The following EBF4 variants were observed in gnomAD, a reference collection of about 807,000 sequenced individuals.
The protein encoded by EBF4 is transcription factor COE4.
EBF4 carries 34 observed loss-of-function variants against 67.1 expected under a neutral mutation model. That is an observed-to-expected ratio of 0.51 (90% CI 0.39 to 0.67). The LOEUF is 0.67. Ranked by LOEUF, EBF4 falls within the 30% of genes least tolerant of loss-of-function variation. The pLI is 0.00. For missense variants in EBF4, 837 were observed against 873.3 expected, an observed-to-expected ratio of 0.96 and a Z score of 0.52; for synonymous variants, 387 against 377.7, an observed-to-expected ratio of 1.02 and a Z score of -0.29.
intron 1 of EBF4, among the ~76,000 whole-genome samples, chr20:2,700,484 G>C (rs536835329): frequency 6.6e-6 from 1 of 151,986 alleles, no homozygotes; most frequent in Non-Finnish European, 1.5e-5. Flanking sequence ...ACTTTGGAGC[G>C]GCACCATGAG....
chr20:2,759,114 A>G, intron 16 of EBF4, 130 bp downstream of exon 16: 1 of 904,176 alleles, frequency 1.1e-6, no homozygotes, highest in African/African-American at 1.7e-5. Flanking sequence ...GCTGGGGTCC[A>G]AGTCTTCCTC....
At chr20:2,752,023 CG>C in intron 12 of EBF4, 36 bp downstream of exon 12, 4 of 1,526,202 alleles carry the variant, frequency 2.6e-6, no homozygotes, top group African/African-American at 1.4e-5. Flanking sequence ...CCGCCGGGAC[CG>C]GGGCCCCCCA....
chr20:2,715,262 A>T lies in EBF4; in HGVS notation c.557+5620A>T, dbSNP rs368715635. On this transcript the variant is annotated intron_variant, in intron 6 of 16. Transcript: ENST00000609451. ...TAGTTGTGCTTGTGTTTAACTTTAT[A>T]AAAAAAAATGATACCATGTTGCAGC... 1.1e-4 allele frequency among the ~76,000 whole-genome samples: 17 copies of T among 151,640 alleles called. No homozygotes were observed. In the East Asian group the frequency reaches 1.9e-3, roughly 17 times the overall value.
At chr20:2,729,258 C>T (rs1400307612) in intron 6 of EBF4, among the ~76,000 whole-genome samples, 1 of 152,034 alleles carries the variant, frequency 6.6e-6, no homozygotes, top group Admixed American at 6.5e-5. Context: ...CAACAGTTCA[C>T]AGCCAGCCAC....
downstream of EBF4, chr20:2,759,698 T>A (rs910232565): frequency 5.3e-5 from 8 of 152,318 alleles, no homozygotes; most frequent in Non-Finnish European, 8.8e-5. Context: ...CCATCTCAAC[T>A]GGCCCAGCAT....
intron 1 of EBF4, among the ~76,000 whole-genome samples, chr20:2,694,386 T>A (rs2087258541): frequency 6.6e-6 from 1 of 152,074 alleles, no homozygotes; most frequent in Non-Finnish European, 1.5e-5. Context: ...TTCTGGTAGG[T>A]CCTTTGGAAG....
At chr20:2,713,498 T>C (rs6076425) in intron 6 of EBF4, among the ~76,000 whole-genome samples, 15,687 of 152,136 alleles carry the variant, frequency 0.1, 888 homozygotes, top group Admixed American at 0.14. Context: ...GAATGTCATG[T>C]GATTGACAAG....
chr20:2,727,831 G>A (rs1222485910), intron 6 of EBF4, among the ~76,000 whole-genome samples: 2 of 152,060 alleles, frequency 1.3e-5, no homozygotes, highest in African/African-American at 4.8e-5. Context: ...CTTTTCATAT[G>A]CTTCTTGACC....
intron 4 of EBF4, among the ~76,000 whole-genome samples, chr20:2,706,485 G>A (rs2146386850): frequency 6.6e-6 from 1 of 152,302 alleles, no homozygotes; most frequent in South Asian, 2.1e-4. Flanking sequence ...CCCTGGCTTG[G>A]GTCATGTTTC....
chr20:2,750,083 C>T, intron 10 of EBF4, 110 bp downstream of exon 10: 1 of 1,424,570 alleles, frequency 7.0e-7, no homozygotes, highest in Non-Finnish European at 9.2e-7. Context: ...TACGCTGTGG[C>T]CACGACCCCT....
At chr20:2,699,427 C>A (rs1000546155) in intron 1 of EBF4, among the ~76,000 whole-genome samples, 5 of 152,138 alleles carry the variant, frequency 3.3e-5, no homozygotes, top group African/African-American at 1.2e-4. Flanking sequence ...CTTTAATTTT[C>A]GGTCTATTTA....
intron 6 of EBF4, among the ~76,000 whole-genome samples, chr20:2,729,993 G>T (rs1435706296): frequency 6.6e-6 from 1 of 152,166 alleles, no homozygotes; most frequent in Non-Finnish European, 1.5e-5. Context: ...ACAGTCTTTG[G>T]CAGCTCTTTG....
intron 14 of EBF4, among the ~76,000 whole-genome samples, chr20:2,754,039 T>C (rs3827074): frequency 0.17 from 25,877 of 152,014 alleles, 2,418 homozygotes; most frequent in East Asian, 0.26. Context: ...TCTGCCCCAG[T>C]GTGCAGAACC....
At chr20:2,746,931 A>G (rs1365176183) in intron 6 of EBF4, among the ~76,000 whole-genome samples, 1 of 152,186 alleles carries the variant, frequency 6.6e-6, no homozygotes, top group Non-Finnish European at 1.5e-5. Flanking sequence ...TGTAAAGGGT[A>G]TCTTCCCAGA....
chr20:2,734,706 G>C (rs987441141), intron 6 of EBF4, among the ~76,000 whole-genome samples: 3 of 152,196 alleles, frequency 2.0e-5, no homozygotes, highest in Admixed American at 2.0e-4. Context: ...TGAAGTTTCT[G>C]CTCTTGGCTT....
rs1007466151 is a variant in EBF4, at chr20:2,747,089, C to T, written c.558-1460C>T. Among the ~76,000 whole-genome samples, 2 of 152,124 alleles carry T rather than the reference C, an allele frequency of 1.3e-5. No homozygotes were observed. Among genetic ancestry groups the T allele is most frequent in the Non-Finnish European group, 2.9e-5 (2 of 68,014 alleles). ...GGGTGAATCACCTGAGGTCAGGAAT[C>T]GAGACCAGCCTGGCCAACATGGCAA... is the stretch of plus-strand genomic sequence containing the variant. On this transcript the variant is annotated intron_variant, in intron 6 of 16. Coordinates refer to ENST00000609451, the Ensembl canonical transcript of EBF4. The surrounding 1 kb of genome is among the most constrained non-coding windows in gnomAD (Gnocchi z 4.6).
intron 1 of EBF4, among the ~76,000 whole-genome samples, chr20:2,703,256 TAAAA>T (rs58171984): frequency 0.13 from 14,595 of 113,898 alleles, 935 homozygotes; most frequent in Middle Eastern, 0.18. Context: ...GACCCTGTCT[TAAAA>T]AAAAAAAAAA....
At position 2,752,273 on chromosome 20, in the gene EBF4, C is replaced by T; in HGVS notation, c.1351+10C>T. 8.1e-7 allele frequency: 1 copy of T among 1,228,086 alleles called. No individual in the cohort carries two copies. The highest frequency in any genetic ancestry group is 4.4e-5 in the Admixed American group (1 of 22,818). The allele number at this position is 1,228,086 out of a possible 1,614,324, so 76.1% of individuals were successfully genotyped here. The stretch of plus-strand genomic sequence containing the variant: ...CCGGGGCCCGAGCCGGGTGCGTGGG[C>T]CGCGCCTCCCCGCCGTCCTCGGGCG... On this transcript the variant is annotated intron_variant, in intron 13 of 16. Coordinates refer to ENST00000609451, the Ensembl canonical transcript of EBF4.
At chr20:2,740,779 G>A (rs769404578) in intron 6 of EBF4, among the ~76,000 whole-genome samples, 7 of 152,150 alleles carry the variant, frequency 4.6e-5, no homozygotes, top group Non-Finnish European at 8.8e-5. Context: ...GGAGTCTAGC[G>A]TCAGCCTATC....
Sources: gnomAD v4.1 joint callset for allele counts (sites outside exome capture counted in the v4.1 genomes callset) on GRCh38, gnomAD v4.1.1 for gene constraint, Gnocchi (gnomAD v3.1) non-coding constraint, MANE v1.5 for transcripts, NCBI Gene and HGNC (gene_info 2026-07-23, HGNC 2026-07-21) for gene names.